The following NNMT variants were observed in gnomAD, a reference collection of about 807,000 sequenced individuals.
NNMT encodes nicotinamide N-methyltransferase.
Under a neutral mutation model 11.7 loss-of-function variants are expected in NNMT, and 10 were observed. That is an observed-to-expected ratio of 0.85 (90% CI 0.53 to 1.45). The LOEUF is 1.45. Ranked by LOEUF, NNMT falls within the 40% of genes most tolerant of loss-of-function variation. NNMT has a pLI of 0.00. For synonymous variants in NNMT, 143 were observed against 133.8 expected (o/e 1.07, Z -0.48); for missense variants, 381 against 319.4 (o/e 1.19, Z -1.47).
At chr11:114,283,243 T>A (rs1945274739) in intron 2 of NNMT, among the ~76,000 whole-genome samples, 1 of 152,130 alleles carries the variant, frequency 6.6e-6, no homozygotes. Flanking sequence ...ATCATTGTGT[T>A]GGGGAGTTGG....
intron 1 of NNMT, among the ~76,000 whole-genome samples, chr11:114,260,307 C>T (rs1456867099): frequency 6.6e-6 from 1 of 152,206 alleles, no homozygotes; most frequent in Non-Finnish European, 1.5e-5. Flanking sequence ...GTTGTGTGTT[C>T]CCATAACTTC....
At chr11:114,300,857 G>A (rs1319941271) in intron 2 of NNMT, among the ~76,000 whole-genome samples, 2 of 152,064 alleles carry the variant, frequency 1.3e-5, no homozygotes, top group Non-Finnish European at 2.9e-5. Context: ...TCCTATGCTT[G>A]CTGTTTTGCA....
chr11:114,291,912 G>C (rs1487206789), upstream of NNMT, among the ~76,000 whole-genome samples: 1 of 152,080 alleles, frequency 6.6e-6, no homozygotes, highest in Non-Finnish European at 1.5e-5. Flanking sequence ...TCTGTCTCCT[G>C]ACTGGATTCT....
chr11:114,301,153 A>C (rs934578620), intron 2 of NNMT, among the ~76,000 whole-genome samples: 2 of 152,138 alleles, frequency 1.3e-5, no homozygotes, highest in African/African-American at 4.8e-5. Flanking sequence ...GTTCGTGGGA[A>C]TTAAAAATGG....
At chr11:114,267,008 T>C (rs1171859780) in intron 2 of NNMT, among the ~76,000 whole-genome samples, 1 of 152,236 alleles carries the variant, frequency 6.6e-6, no homozygotes, top group Non-Finnish European at 1.5e-5. Flanking sequence ...CTCACACTTT[T>C]AATCCCAGCA....
intron 1 of NNMT, among the ~76,000 whole-genome samples, chr11:114,260,554 T>C (rs1051870006): frequency 7.0e-4 from 106 of 152,286 alleles, no homozygotes; most frequent in African/African-American, 2.4e-3. Context: ...GGAGGCCCGC[T>C]CCGGGCTCCG....
chr11:114,304,013 A>G (rs1945466413), intron 2 of NNMT, among the ~76,000 whole-genome samples: 1 of 152,234 alleles, frequency 6.6e-6, no homozygotes, highest in African/African-American at 2.4e-5. Context: ...ATATTCTTCA[A>G]TATAAAAATA....
chr11:114,278,382 A>G (rs1390741204), intron 2 of NNMT, among the ~76,000 whole-genome samples: 2 of 152,208 alleles, frequency 1.3e-5, no homozygotes, highest in Non-Finnish European at 2.9e-5. Flanking sequence ...CCCACCTCCC[A>G]CATTAAGGAT....
chr11:114,298,249 C>A, intron 2 of NNMT, 91 bp downstream of exon 2: 2 of 1,084,004 alleles, frequency 1.8e-6, no homozygotes, highest in African/African-American at 1.6e-5. Flanking sequence ...AAAGAGAAAT[C>A]CAAATGGAGA....
rs558129767 is a variant in NNMT at position 114,267,774 on chromosome 11, T to C, written c.-130+4840T>C. ...ATCGTGTTGTTTCACCACGACATAC[T>C]CCAATTCATGCATTTTTCAAAATGA... On this transcript the variant is annotated intron_variant, in intron 2 of 4. Transcript: ENST00000535401. 2.0e-5 allele frequency among the ~76,000 whole-genome samples: 3 copies of C among 152,322 alleles called. No homozygotes were observed. In the South Asian group the frequency reaches 6.2e-4, roughly 32 times the overall value.
At chr11:114,265,151 C>A (rs1705077153) in intron 2 of NNMT, among the ~76,000 whole-genome samples, 3 of 152,210 alleles carry the variant, frequency 2.0e-5, no homozygotes, top group South Asian at 4.1e-4. Flanking sequence ...GGGCTGCCAA[C>A]CCCTCAGTAA....
chr11:114,268,233 C>T (rs1304728004), intron 2 of NNMT, among the ~76,000 whole-genome samples: 1 of 152,220 alleles, frequency 6.6e-6, no homozygotes, highest in African/African-American at 2.4e-5. Flanking sequence ...TTTCCTCTTA[C>T]AGGGTCCCTA....
At chr11:114,280,860 C>A (rs771542638) in intron 2 of NNMT, among the ~76,000 whole-genome samples, 1 of 152,134 alleles carries the variant, frequency 6.6e-6, no homozygotes, top group African/African-American at 2.4e-5. Context: ...TGCTTGTCCC[C>A]GGCCTGCTCA....
At chr11:114,299,230 G>A (rs1190557192) in intron 2 of NNMT, among the ~76,000 whole-genome samples, 2 of 152,088 alleles carry the variant, frequency 1.3e-5, no homozygotes, top group Non-Finnish European at 2.9e-5. Context: ...AATGTTCAAT[G>A]ATTTATCATT....
intron 1 of NNMT, chr11:114,297,277 G>A (rs2301128): frequency 0.14 from 21,719 of 151,696 alleles, 1,852 homozygotes; most frequent in Non-Finnish European, 0.19. Flanking sequence ...AAAATTCCTG[G>A]CAACATGCCT....
At chr11:114,266,907 TA>T (rs1475534371) in intron 2 of NNMT, among the ~76,000 whole-genome samples, 1 of 152,236 alleles carries the variant, frequency 6.6e-6, no homozygotes, top group Non-Finnish European at 1.5e-5. Context: ...AATAAACTTT[TA>T]TTCTTTGAAA....
At chr11:114,291,268 T>C (rs1373222379) in intron 2 of NNMT, among the ~76,000 whole-genome samples, 1 of 152,220 alleles carries the variant, frequency 6.6e-6, no homozygotes, top group Non-Finnish European at 1.5e-5. Flanking sequence ...AGCTAGTCTA[T>C]GTCTCTTAGC....
chr11:114,273,434 G>A (rs1945187491), intron 2 of NNMT, among the ~76,000 whole-genome samples: 1 of 152,184 alleles, frequency 6.6e-6, no homozygotes, highest in Admixed American at 6.5e-5. Flanking sequence ...CTCCCTAGCT[G>A]GAGAGAGGTC....
In NNMT at chr11:114,313,158, T is replaced by C. The variant is rs1945570644; in HGVS notation, c.*681T>C. 6.6e-6 allele frequency: 1 copy of C among 152,270 alleles called. No individual in the cohort carries two copies. Among genetic ancestry groups the C allele is most frequent in the African/African-American group, 2.4e-5 (1 of 41,466 alleles). The allele number at this position is 152,270 out of a possible 1,614,324, so 9.4% of individuals were successfully genotyped here. A position where few individuals can be genotyped will look rare whatever the true frequency, so the allele number is the denominator to read the frequency against. Reference sequence around the variant, plus strand: ...ACTTTCCTCATCTATAAAATGAGATTAAAATAGTCTTTTTATTAAGAGAAT... The same window carrying C: ...ACTTTCCTCATCTATAAAATGAGATCAAAATAGTCTTTTTATTAAGAGAAT... On this transcript the variant is annotated 3_prime_UTR_variant, in exon 3 of 3. Coordinates refer to ENST00000299964, the MANE Select transcript of NNMT (RefSeq NM_006169.3).
Sources: allele counts gnomAD v4.1 joint callset (sites outside exome capture counted in the v4.1 genomes callset), GRCh38; gene constraint gnomAD v4.1.1; transcripts MANE v1.5; gene names NCBI Gene and HGNC (gene_info 2026-07-23, HGNC 2026-07-21).